Variants in NAALADL2 observed in about 807,000 individuals in gnomAD.
NAALADL2 encodes the protein inactive N-acetylated-alpha-linked acidic dipeptidase-like protein 2.
In NAALADL2, 76 loss-of-function variants were observed where a neutral mutation model predicts 87.2. The observed-to-expected ratio is 0.87, with a 90% CI of 0.72 to 1.05. The LOEUF is 1.05. Among genes scored for constraint, NAALADL2 ranks in the 50% least tolerant of loss-of-function variants. The pLI is 0.00. For synonymous variants in NAALADL2, 354 were observed against 331.0 expected (o/e 1.07, Z -0.75); for missense variants, 1,089 against 945.8 (o/e 1.15, Z -1.99).
intron 2 of NAALADL2, among the ~76,000 whole-genome samples, chr3:175,133,549 G>C (rs1728576054): frequency 6.6e-6 from 1 of 152,168 alleles, no homozygotes; most frequent in Non-Finnish European, 1.5e-5. Flanking sequence ...GCGAAACCCC[G>C]TCTCCACCAA....
At position 175,408,800 on chromosome 3, in the gene NAALADL2, G is replaced by A. The variant is rs942611563; in HGVS notation, c.1091-38429G>A. 8.0e-4 allele frequency among the ~76,000 whole-genome samples: 122 copies of A among 151,804 alleles called. 1 individual carries two copies. The highest frequency in any genetic ancestry group is 1.1e-3 in the Non-Finnish European group (75 of 67,848). On this transcript the variant is annotated intron_variant, in intron 5 of 13. Transcript: ENST00000454872. The stretch of plus-strand genomic sequence containing the variant: ...TTTTCTCTTATTTGAATGAATTACT[G>A]TTAAAGGACATTTTGTATTGGCAGT...
chr3:174,748,581 G>A (rs1006321580), intron 3 of NAALADL2, among the ~76,000 whole-genome samples: 1 of 152,136 alleles, frequency 6.6e-6, no homozygotes, highest in Non-Finnish European at 1.5e-5. Context: ...AGCACCAGGA[G>A]ACTAATACAA....
At chr3:174,825,948 A>G (rs527989961) in intron 3 of NAALADL2, among the ~76,000 whole-genome samples, 2 of 151,954 alleles carry the variant, frequency 1.3e-5, no homozygotes, top group East Asian at 3.9e-4. Context: ...AATGGCGTGA[A>G]CCCTGGAGGC....
intron 4 of NAALADL2, among the ~76,000 whole-genome samples, chr3:175,272,976 T>G (rs1451730017): frequency 6.6e-6 from 1 of 152,092 alleles, no homozygotes; most frequent in African/African-American, 2.4e-5. Context: ...GCAGATAAAC[T>G]ACAAATCAAG....
At chr3:175,697,831 GTGTATTTA>G (rs1738101413) in intron 11 of NAALADL2, among the ~76,000 whole-genome samples, 1 of 97,992 alleles carries the variant, frequency 1.0e-5, no homozygotes, top group Non-Finnish European at 2.2e-5. Flanking sequence ...ACATATATAT[GTGTATTTA>G]TGTATACATA....
chr3:174,953,376 T>C lies in NAALADL2; in HGVS notation c.43+93926T>C, dbSNP rs1218958731. ...CTTTCCCCTTCCTTCCAGTAAATCA[T>C]TATTAAATACCTACTACGTGTCAGG... On this transcript the variant is annotated intron_variant, in intron 1 of 13. Transcript: ENST00000454872. Among the ~76,000 whole-genome samples the C allele has an allele frequency of 5.5e-5, 7 of 127,904 alleles. No homozygotes were observed. The South Asian group carries it at 1.2e-3, about 21-fold the overall frequency. 83.9% of individuals were successfully genotyped at this position (127,904 alleles called of 152,430 possible). A position where few individuals can be genotyped will look rare whatever the true frequency, so the allele number is the denominator to read the frequency against.
intron 9 of NAALADL2, among the ~76,000 whole-genome samples, chr3:175,482,845 C>A (rs1169580245): frequency 2.0e-5 from 3 of 151,600 alleles, no homozygotes; most frequent in African/African-American, 7.3e-5. Flanking sequence ...ACTTGATACT[C>A]TTACTTATTT....
intron 1 of NAALADL2, among the ~76,000 whole-genome samples, chr3:175,073,197 T>C (rs1715980713): frequency 6.6e-6 from 1 of 152,084 alleles, no homozygotes; most frequent in Non-Finnish European, 1.5e-5. Flanking sequence ...TGAGACATTG[T>C]TTGATTAGTG....
chr3:175,392,335 A>G (rs1769182650), intron 5 of NAALADL2, among the ~76,000 whole-genome samples: 1 of 152,236 alleles, frequency 6.6e-6, no homozygotes, highest in Non-Finnish European at 1.5e-5. Flanking sequence ...ATTTGCTTAC[A>G]AATATTTGAC....
intron 4 of NAALADL2, among the ~76,000 whole-genome samples, chr3:175,307,126 G>A (rs1757818053): frequency 1.3e-5 from 2 of 151,958 alleles, no homozygotes; most frequent in Non-Finnish European, 2.9e-5. Flanking sequence ...TCACTATGAA[G>A]AGATCTGTAA....
intron 2 of NAALADL2, among the ~76,000 whole-genome samples, chr3:174,710,230 C>CTTTTTTTT (rs57899491): frequency 2.9e-5 from 4 of 136,356 alleles, no homozygotes; most frequent in Admixed American, 7.5e-5. Context: ...TATGAGCCTC[C>CTTTTTTTT]TTTTTTTTTT....
chr3:174,877,097 C>T (rs1579312325), intron 1 of NAALADL2, among the ~76,000 whole-genome samples: 1 of 152,070 alleles, frequency 6.6e-6, no homozygotes, highest in Non-Finnish European at 1.5e-5. Context: ...AGGTCTCAAC[C>T]TTAAATACCA....
intron 5 of NAALADL2, among the ~76,000 whole-genome samples, chr3:175,342,768 T>C (rs1404482639): frequency 6.6e-6 from 1 of 152,148 alleles, no homozygotes; most frequent in Non-Finnish European, 1.5e-5. Context: ...TCTTTGTTTC[T>C]GTTTTGCTGC....
intron 1 of NAALADL2, among the ~76,000 whole-genome samples, chr3:175,031,303 G>C (rs1580113345): frequency 6.6e-6 from 1 of 151,996 alleles, no homozygotes; most frequent in African/African-American, 2.4e-5. Context: ...GGAGTCCCCA[G>C]TGTCTATTGT....
chr3:175,036,830 T>A (rs1041508128), intron 1 of NAALADL2, among the ~76,000 whole-genome samples: 4 of 144,160 alleles, frequency 2.8e-5, no homozygotes, highest in Non-Finnish European at 4.6e-5. Flanking sequence ...TTTTTAGCGT[T>A]CCTATACTTG....
At chr3:174,828,961 T>G (rs1722303026) in intron 3 of NAALADL2, among the ~76,000 whole-genome samples, 1 of 152,196 alleles carries the variant, frequency 6.6e-6, no homozygotes, top group African/African-American at 2.4e-5. Flanking sequence ...TTGTGAAGCT[T>G]GTAACAATAA....
At chr3:175,704,010 T>C (rs1739333386) in intron 11 of NAALADL2, among the ~76,000 whole-genome samples, 1 of 152,050 alleles carries the variant, frequency 6.6e-6, no homozygotes, top group Admixed American at 6.6e-5. Context: ...TCAAAGTAAA[T>C]GGGTATGGAT....
In NAALADL2 at chr3:175,364,968, G is replaced by A. The variant is rs1189488872; in HGVS notation, c.1090+40643G>A. On this transcript the variant is annotated intron_variant, in intron 5 of 13. Transcript: ENST00000454872. ...AACTTGGGGAAAGTACATTTCTGTT[G>A]GAAAATCTGATACTGTTAGTGTATG... Among the ~76,000 whole-genome samples, 12 of 147,270 alleles carry A rather than the reference G, an allele frequency of 8.1e-5. 1 individual carries two copies. The highest frequency in any genetic ancestry group is 1.4e-4 in the Admixed American group (2 of 14,328).
intron 4 of NAALADL2, among the ~76,000 whole-genome samples, chr3:175,303,332 G>A (rs572439765): frequency 2.0e-5 from 3 of 152,064 alleles, no homozygotes; most frequent in African/African-American, 7.2e-5. Context: ...TCATTTCCAA[G>A]GATAAAACCT....
Sources: allele counts gnomAD v4.1 joint callset (sites outside exome capture counted in the v4.1 genomes callset), GRCh38; gene constraint gnomAD v4.1.1; transcripts MANE v1.5; gene names NCBI Gene and HGNC (gene_info 2026-07-23, HGNC 2026-07-21).